Variants in SLC25A13 observed in about 807,000 individuals in gnomAD.
SLC25A13 encodes electrogenic aspartate/glutamate antiporter SLC25A13, mitochondrial.
Under a neutral mutation model 85.5 loss-of-function variants are expected in SLC25A13, and 70 were observed. That is an observed-to-expected ratio of 0.82 (90% CI 0.68 to 1.00). SLC25A13 has a LOEUF of 1.00. SLC25A13 is among the 50% of genes least tolerant of loss of function. The probability of loss-of-function intolerance (pLI) is 0.00; values close to 1 mark genes in which losing one functional copy is unlikely to be tolerated. For missense variants in SLC25A13, 765 were observed against 819.8 expected (o/e 0.93, Z 0.82); for synonymous variants, 259 against 288.7 (o/e 0.90, Z 1.04).
intron 3 of SLC25A13, among the ~76,000 whole-genome samples, chr7:96,251,201 C>G (rs989566221): frequency 4.6e-5 from 7 of 152,146 alleles, no homozygotes; most frequent in South Asian, 2.1e-4. Flanking sequence ...ACGGCAAGCA[C>G]GGTGTGTTCA....
intron 1 of SLC25A13, among the ~76,000 whole-genome samples, chr7:96,309,385 C>G (rs1799872476): frequency 6.6e-6 from 1 of 152,192 alleles, no homozygotes; most frequent in Admixed American, 6.5e-5. Context: ...AAGGTCTGTT[C>G]TGAATTTCTG....
intron 14 of SLC25A13, among the ~76,000 whole-genome samples, chr7:96,135,858 GTTTTTTTTTT>G (rs57884645): frequency 2.3e-5 from 3 of 132,980 alleles, no homozygotes; most frequent in African/African-American, 5.6e-5. Context: ...TCCTGCTTTG[GTTTTTTTTTT>G]TTTTTTTTTT....
intron 2 of SLC25A13, among the ~76,000 whole-genome samples, chr7:96,291,571 C>A (rs1010846357): frequency 1.9e-4 from 29 of 151,800 alleles, no homozygotes; most frequent in African/African-American, 7.0e-4. Context: ...ATTAAATAGA[C>A]GCAATAAAAA....
chr7:96,131,820 G>A lies in SLC25A13; in HGVS notation c.1514C>T (p.Ala505Val). 1 of 1,614,088 alleles carries A rather than the reference G, an allele frequency of 6.2e-7. No homozygotes were observed. The highest frequency in any genetic ancestry group is 8.5e-7 in the Non-Finnish European group (1 of 1,180,004). ...PFSAIYFPCY[A>V]HVKASFANED... ...ATTTGCAAAGGAAGCCTTCACATGA[G>A]CATAGCACGGAAAGTAGATGGCCGA... The change falls in exon 15 of 18, where the codon GCT becomes GTT. Residue 505 changes from alanine to valine, a missense_variant. By Grantham distance (64) the Ala-to-Val change is moderately conservative. Coordinates refer to ENST00000265631, the MANE Select transcript of SLC25A13 (RefSeq NM_014251.3).
chr7:96,220,872 AG>A (rs1796101267), intron 4 of SLC25A13, among the ~76,000 whole-genome samples: 1 of 152,258 alleles, frequency 6.6e-6, no homozygotes, highest in South Asian at 2.1e-4. Context: ...CAGGCTTCTA[AG>A]GAACAGTTAA....
At chr7:96,280,303 G>T (rs1487899831) in intron 2 of SLC25A13, among the ~76,000 whole-genome samples, 1 of 152,068 alleles carries the variant, frequency 6.6e-6, no homozygotes, top group Non-Finnish European at 1.5e-5. Context: ...AAAAGACATT[G>T]AATTATTTTA....
At chr7:96,228,140 A>G in intron 4 of SLC25A13, among the ~76,000 whole-genome samples, 1 of 152,224 alleles carries the variant, frequency 6.6e-6, no homozygotes, top group East Asian at 1.9e-4. Context: ...CTGGGATTAC[A>G]GGTGGGAATC....
intron 1 of SLC25A13, among the ~76,000 whole-genome samples, chr7:96,304,214 C>T (rs1799656466): frequency 6.6e-6 from 1 of 152,072 alleles, no homozygotes; most frequent in South Asian, 2.1e-4. Context: ...GACAAGATGC[C>T]CTGTTAAGCA....
intron 3 of SLC25A13, among the ~76,000 whole-genome samples, chr7:96,276,191 G>A (rs994553218): frequency 7.2e-5 from 11 of 152,214 alleles, no homozygotes; most frequent in African/African-American, 2.7e-4. Flanking sequence ...CCTAGAGAAG[G>A]TTAGTTCTTG....
At chr7:96,321,921 C>G (rs555617171) in intron 1 of SLC25A13, 21 bp downstream of exon 1, 11 of 1,529,180 alleles carry the variant, frequency 7.2e-6, no homozygotes, top group Admixed American at 6.0e-5. Flanking sequence ...GCGCTCCCCC[C>G]GGCCTCGGGC....
At chr7:96,184,187 A>C (rs997224803) in intron 11 of SLC25A13, 90 bp downstream of exon 11, 1 of 1,467,124 alleles carries the variant, frequency 6.8e-7, no homozygotes, top group Non-Finnish European at 9.5e-7. Context: ...ATTTTAACGC[A>C]GTCTTGCTAA....
At chr7:96,283,034 C>T (rs1009718038) in intron 2 of SLC25A13, among the ~76,000 whole-genome samples, 3 of 152,126 alleles carry the variant, frequency 2.0e-5, no homozygotes, top group Non-Finnish European at 4.4e-5. Flanking sequence ...TTGAAATAAC[C>T]TTCATGAGAG....
intron 11 of SLC25A13, among the ~76,000 whole-genome samples, chr7:96,177,870 G>A (rs967893565): frequency 3.3e-5 from 5 of 152,154 alleles, no homozygotes; most frequent in African/African-American, 1.2e-4. Flanking sequence ...AGGGCTCTGT[G>A]CTCCTTAATT....
chr7:96,186,678 T>C (rs1249516015), intron 9 of SLC25A13, among the ~76,000 whole-genome samples: 2 of 152,186 alleles, frequency 1.3e-5, no homozygotes, highest in Admixed American at 1.3e-4. Context: ...GAATATTTGA[T>C]ATTAAATGTT....
At chr7:96,210,514 G>C (rs1000690132) in intron 4 of SLC25A13, among the ~76,000 whole-genome samples, 4 of 152,142 alleles carry the variant, frequency 2.6e-5, no homozygotes, top group African/African-American at 9.7e-5. Flanking sequence ...ACTAACAGCA[G>C]CTAAAATTTC....
intron 5 of SLC25A13, among the ~76,000 whole-genome samples, chr7:96,201,267 T>G (rs1186842800): frequency 6.6e-6 from 1 of 152,092 alleles, no homozygotes; most frequent in Non-Finnish European, 1.5e-5. Flanking sequence ...CTCAGCACTT[T>G]GGGAGGGTGA....
chr7:96,221,937 A>G (rs1796145443), intron 4 of SLC25A13, among the ~76,000 whole-genome samples: 1 of 152,240 alleles, frequency 6.6e-6, no homozygotes, highest in Non-Finnish European at 1.5e-5. Context: ...AGAATTAAGA[A>G]TTAACTAGCT....
chr7:96,143,923 T>A (rs1792669700), intron 14 of SLC25A13, among the ~76,000 whole-genome samples: 1 of 152,160 alleles, frequency 6.6e-6, no homozygotes, highest in Non-Finnish European at 1.5e-5. Context: ...CAACTAAATC[T>A]AGGACAGTGG....
At position 96,322,005 on chromosome 7, in the gene SLC25A13, G is replaced by A; in HGVS notation, c.-49C>T. On this transcript the variant is annotated 5_prime_UTR_variant, in exon 1 of 18. Coordinates refer to ENST00000265631, the MANE Select transcript of SLC25A13 (RefSeq NM_014251.3). Reference sequence around the variant, plus strand: ...TGCGGGACCCACTGACTGGCTGGCTGGCGTTTGGGACCCGGGCGGCTCACT... The same window carrying A: ...TGCGGGACCCACTGACTGGCTGGCTAGCGTTTGGGACCCGGGCGGCTCACT... The A allele has an allele frequency of 1.3e-6, 2 of 1,532,730 alleles. No homozygotes were observed. The highest frequency in any genetic ancestry group is 1.8e-6 in the Non-Finnish European group (2 of 1,140,184). 94.9% of individuals were successfully genotyped at this position (1,532,730 alleles called of 1,614,324 possible).
Sources: gnomAD v4.1 joint callset for allele counts (sites outside exome capture counted in the v4.1 genomes callset) on GRCh38, gnomAD v4.1.1 for gene constraint, MANE v1.5 for transcripts, NCBI Gene and HGNC (gene_info 2026-07-23, HGNC 2026-07-21) for gene names.